BBS9: variants seen among roughly 807,000 people sequenced by gnomAD.
BBS9 encodes protein PTHB1.
In BBS9, 89 loss-of-function variants were observed where a neutral mutation model predicts 117.7. The observed-to-expected ratio is 0.76, with a 90% CI of 0.64 to 0.90. The LOEUF is 0.90. BBS9 is among the 40% of genes least tolerant of loss of function. The probability of loss-of-function intolerance (pLI) is 0.00; values close to 1 mark genes in which losing one functional copy is unlikely to be tolerated. For synonymous variants in BBS9, 379 were observed against 370.9 expected (o/e 1.02, Z -0.25); for missense variants, 982 against 1,042.2 (o/e 0.94, Z 0.80).
intron 20 of BBS9, among the ~76,000 whole-genome samples, chr7:33,525,208 A>G (rs1440776581): frequency 6.6e-6 from 1 of 151,584 alleles, no homozygotes; most frequent in African/African-American, 2.4e-5. Flanking sequence ...GTGGTGCTGA[A>G]AAAAATGTAT....
intron 21 of BBS9, among the ~76,000 whole-genome samples, chr7:33,598,517 T>G (rs937795091): frequency 3.3e-5 from 5 of 152,148 alleles, no homozygotes; most frequent in African/African-American, 1.2e-4. Flanking sequence ...TTAATAATAA[T>G]GTATCAATAT....
At chr7:33,381,411 TCCCCA>T (rs1209713562) in intron 17 of BBS9, among the ~76,000 whole-genome samples, 1 of 152,148 alleles carries the variant, frequency 6.6e-6, no homozygotes, top group Non-Finnish European at 1.5e-5. Context: ...CCTGATTTTA[TCCCCA>T]GTGTCTTGCA....
intron 20 of BBS9, among the ~76,000 whole-genome samples, chr7:33,512,804 T>G (rs1847162475): frequency 6.6e-6 from 1 of 152,204 alleles, no homozygotes; most frequent in African/African-American, 2.4e-5. Context: ...TCCCTGAATC[T>G]CCGTGTTCAG....
At position 33,254,942 on chromosome 7, in the gene BBS9, C is replaced by T. The variant is rs775840260; in HGVS notation, c.443-2294C>T. On this transcript the variant is annotated intron_variant, in intron 5 of 22. Coordinates refer to ENST00000242067, the MANE Select transcript of BBS9 (RefSeq NM_198428.3). ...GAGCACCTTTTCATATACCTGTTGG[C>T]GATTTGTATGTCTTATTTGGAAAAA... 3.3e-5 allele frequency among the ~76,000 whole-genome samples: 5 copies of T among 152,152 alleles called. No homozygotes were observed. The East Asian group carries it at 5.8e-4, about 18-fold the overall frequency.
intron 1 of BBS9, among the ~76,000 whole-genome samples, chr7:33,135,628 C>T (rs1790334817): frequency 6.6e-6 from 1 of 152,060 alleles, no homozygotes; most frequent in Non-Finnish European, 1.5e-5. Flanking sequence ...TACCTTTGTT[C>T]TTTTTTAATT....
chr7:33,412,825 C>T (rs1260525406), intron 19 of BBS9, among the ~76,000 whole-genome samples: 1 of 152,104 alleles, frequency 6.6e-6, no homozygotes, highest in South Asian at 2.1e-4. Flanking sequence ...TTTTCATGAG[C>T]CTGAATCATA....
At chr7:33,239,865 G>T (rs1794183353) in intron 5 of BBS9, among the ~76,000 whole-genome samples, 1 of 152,120 alleles carries the variant, frequency 6.6e-6, no homozygotes, top group South Asian at 2.1e-4. Context: ...AATTAGCCAG[G>T]CATGGTGGTG....
intron 21 of BBS9, among the ~76,000 whole-genome samples, chr7:33,566,969 T>C (rs1857018475): frequency 6.6e-6 from 1 of 152,202 alleles, no homozygotes; most frequent in African/African-American, 2.4e-5. Flanking sequence ...GTTGTAAGTT[T>C]CTTTCCAGTG....
At chr7:33,295,458 A>C (rs1197958350) in intron 9 of BBS9, among the ~76,000 whole-genome samples, 1 of 151,400 alleles carries the variant, frequency 6.6e-6, no homozygotes, top group African/African-American at 2.4e-5. Context: ...GTGATGCTTA[A>C]ATTTTGAACT....
chr7:33,146,109 A>G, intron 1 of BBS9, 133 bp from the exon 2 acceptor site: 1 of 646,688 alleles, frequency 1.5e-6, no homozygotes, highest in Non-Finnish European at 2.7e-6. Context: ...GGTTTCAAAT[A>G]TGTGTACAAA....
chr7:33,633,461 A>G (rs1269647311), intron 21 of BBS9, among the ~76,000 whole-genome samples: 1 of 151,602 alleles, frequency 6.6e-6, no homozygotes, highest in Admixed American at 6.6e-5. Context: ...ATGCATGAAC[A>G]CCATGAACAA....
At chr7:33,467,630 T>C (rs1840382611) in intron 19 of BBS9, among the ~76,000 whole-genome samples, 2 of 150,492 alleles carry the variant, frequency 1.3e-5, no homozygotes, top group African/African-American at 4.9e-5. Flanking sequence ...GTTAATCTTC[T>C]GTCCTTACCT....
At chr7:33,238,442 C>T (rs577872954) in intron 5 of BBS9, among the ~76,000 whole-genome samples, 1 of 152,234 alleles carries the variant, frequency 6.6e-6, no homozygotes, top group Non-Finnish European at 1.5e-5. Flanking sequence ...AGGCATGGGC[C>T]ACCACGCCTG....
intron 20 of BBS9, among the ~76,000 whole-genome samples, chr7:33,508,753 G>A (rs1846496548): frequency 6.6e-6 from 1 of 152,202 alleles, no homozygotes. Flanking sequence ...CTTTGTGACT[G>A]CAGAGCTTGA....
At chr7:33,420,568 C>T (rs17170226) in intron 19 of BBS9, among the ~76,000 whole-genome samples, 23,535 of 151,990 alleles carry the variant, frequency 0.15, 2,276 homozygotes, top group South Asian at 0.21. Flanking sequence ...TCTGTGGCCT[C>T]GGGACTCCTG....
chr7:33,421,092 A>C (rs1275942865), intron 19 of BBS9, among the ~76,000 whole-genome samples: 2 of 152,220 alleles, frequency 1.3e-5, no homozygotes, highest in Non-Finnish European at 2.9e-5. Flanking sequence ...GTAGAAATGG[A>C]AGGATTGATC....
intron 21 of BBS9, among the ~76,000 whole-genome samples, chr7:33,626,099 T>C (rs1865624466): frequency 6.6e-6 from 1 of 152,164 alleles, no homozygotes; most frequent in Non-Finnish European, 1.5e-5. Flanking sequence ...GGGGGTGGAC[T>C]TCCCCCTTGC....
rs1044317291 is a variant in BBS9, at chr7:33,432,212, C to T, written c.2115+44068C>T. 4.0e-5 allele frequency among the ~76,000 whole-genome samples: 6 copies of T among 150,864 alleles called. No individual in the cohort carries two copies. The East Asian group carries it at 7.8e-4, about 20-fold the overall frequency. On this transcript the variant is annotated intron_variant, in intron 19 of 22. Transcript: ENST00000242067. ...CAAGCTTCGCCTCCCAGGTTCACGCCGTTCTCTTGCCTCAGCCTCCCGAGT... is the reference window on the plus strand; with the variant it reads ...CAAGCTTCGCCTCCCAGGTTCACGCTGTTCTCTTGCCTCAGCCTCCCGAGT...
intron 19 of BBS9, among the ~76,000 whole-genome samples, chr7:33,412,870 T>C (rs1161736029): frequency 6.6e-6 from 1 of 152,222 alleles, no homozygotes; most frequent in East Asian, 1.9e-4. Context: ...ACTTCATCTT[T>C]TCAAATTTTG....
Sources: gnomAD v4.1 joint callset for allele counts (sites outside exome capture counted in the v4.1 genomes callset) on GRCh38, gnomAD v4.1.1 for gene constraint, MANE v1.5 for transcripts, NCBI Gene and HGNC (gene_info 2026-07-23, HGNC 2026-07-21) for gene names.